Variants in RAPGEF4 observed in about 807,000 individuals in gnomAD.
The protein encoded by RAPGEF4 is Rap guanine nucleotide exchange factor 4, also known as RAP guanine-nucleotide-exchange factor (GEF) 4.
Under a neutral mutation model 147.9 loss-of-function variants are expected in RAPGEF4, and 66 were observed. The ratio of observed to expected loss-of-function variants is 0.45; its 90% CI spans 0.37 to 0.55. RAPGEF4 has a LOEUF of 0.55. Among genes scored for constraint, RAPGEF4 ranks in the 20% least tolerant of loss-of-function variants. The pLI is 0.00. For missense variants in RAPGEF4, 1,071 were observed against 1,257.3 expected, an observed-to-expected ratio of 0.85 and a Z score of 2.24; for synonymous variants, 419 against 442.7, an observed-to-expected ratio of 0.95 and a Z score of 0.67.
intron 17 of RAPGEF4, among the ~76,000 whole-genome samples, chr2:173,003,242 A>G (rs901688208): frequency 6.6e-6 from 1 of 150,546 alleles, no homozygotes; most frequent in Non-Finnish European, 1.5e-5. Flanking sequence ...CGCTCTGGAG[A>G]GAAGGTCCGT....
chr2:172,777,776 C>T (rs1684316255), intron 1 of RAPGEF4, among the ~76,000 whole-genome samples: 1 of 152,090 alleles, frequency 6.6e-6, no homozygotes. Flanking sequence ...AATATCAAGG[C>T]GATTGTGTAG....
At chr2:172,992,154 C>T (rs1443498857) in intron 15 of RAPGEF4, among the ~76,000 whole-genome samples, 1 of 152,152 alleles carries the variant, frequency 6.6e-6, no homozygotes, top group Non-Finnish European at 1.5e-5. Flanking sequence ...GTAAATATTG[C>T]AAACCACTCC....
At chr2:172,973,720 G>C (rs1226338163) in intron 10 of RAPGEF4, among the ~76,000 whole-genome samples, 1 of 152,206 alleles carries the variant, frequency 6.6e-6, no homozygotes, top group Non-Finnish European at 1.5e-5. Flanking sequence ...GATCAGATTT[G>C]TAGTAGGTTG....
At chr2:173,020,803 C>T in intron 23 of RAPGEF4, 88 bp downstream of exon 23, 1 of 990,136 alleles carries the variant, frequency 1.0e-6, no homozygotes, top group Non-Finnish European at 1.5e-6. Flanking sequence ...AACCCAGTGG[C>T]TAAAAAATCT....
intron 1 of RAPGEF4, among the ~76,000 whole-genome samples, chr2:172,756,154 T>C (rs1315689408): frequency 6.6e-6 from 1 of 152,228 alleles, no homozygotes; most frequent in Non-Finnish European, 1.5e-5. Context: ...TGATTAAGGT[T>C]CAAATATTGT....
intron 4 of RAPGEF4, among the ~76,000 whole-genome samples, chr2:172,839,887 A>C (rs1691392527): frequency 6.6e-6 from 1 of 152,218 alleles, no homozygotes; most frequent in African/African-American, 2.4e-5. Flanking sequence ...GTACTAATTC[A>C]AGAGGTAAGT....
At chr2:173,012,168 C>G (rs917247975) in intron 17 of RAPGEF4, among the ~76,000 whole-genome samples, 3 of 152,204 alleles carry the variant, frequency 2.0e-5, no homozygotes, top group African/African-American at 7.2e-5. Context: ...TTCACAGGCA[C>G]TATCACTTAG....
chr2:172,996,906 A>T (rs556011754), intron 16 of RAPGEF4, among the ~76,000 whole-genome samples: 1 of 152,358 alleles, frequency 6.6e-6, no homozygotes, highest in African/African-American at 2.4e-5. Context: ...AGCTGCCTAC[A>T]TAAAAGGTAC....
At chr2:172,886,797 G>C (rs1399220826) in intron 4 of RAPGEF4, among the ~76,000 whole-genome samples, 4 of 151,862 alleles carry the variant, frequency 2.6e-5, no homozygotes, top group Non-Finnish European at 5.9e-5. Flanking sequence ...GACCAAGTGG[G>C]ACATGATGCC....
chr2:172,977,903 A>G (rs1052998729), intron 10 of RAPGEF4, among the ~76,000 whole-genome samples: 5 of 152,242 alleles, frequency 3.3e-5, no homozygotes, highest in Admixed American at 6.5e-5. Context: ...TGGATTGCCA[A>G]ATGATAGTTG....
intron 4 of RAPGEF4, chr2:172,889,777 T>C (rs1697691845): frequency 3.2e-6 from 3 of 948,710 alleles, no homozygotes; most frequent in African/African-American, 1.8e-5. Context: ...AAAATATAGA[T>C]AGATATTTTG....
intron 27 of RAPGEF4, among the ~76,000 whole-genome samples, chr2:173,035,496 G>A (rs577510845): frequency 2.7e-5 from 4 of 148,610 alleles, no homozygotes; most frequent in African/African-American, 9.9e-5. Context: ...GGGTGACAGA[G>A]TGAGACTCTG....
intron 1 of RAPGEF4, among the ~76,000 whole-genome samples, chr2:172,763,399 C>T (rs1038003746): frequency 2.6e-5 from 4 of 152,166 alleles, no homozygotes; most frequent in Non-Finnish European, 4.4e-5. Flanking sequence ...ACCTGGAACA[C>T]GGACACTGAA....
intron 4 of RAPGEF4, among the ~76,000 whole-genome samples, chr2:172,869,136 G>A (rs183479962): frequency 2.0e-5 from 3 of 152,280 alleles, no homozygotes; most frequent in African/African-American, 7.2e-5. Context: ...TCTCCAGAAT[G>A]ATTCATTTCC....
intron 4 of RAPGEF4, among the ~76,000 whole-genome samples, chr2:172,889,430 G>A (rs1697629678): frequency 1.3e-5 from 2 of 152,028 alleles, no homozygotes; most frequent in South Asian, 2.1e-4. Flanking sequence ...ACCAATTTAC[G>A]AACGGTTGCT....
At chr2:172,817,334 A>C (rs1688608443) in intron 4 of RAPGEF4, among the ~76,000 whole-genome samples, 1 of 152,216 alleles carries the variant, frequency 6.6e-6, no homozygotes, top group Admixed American at 6.5e-5. Flanking sequence ...TGATCTATAC[A>C]TGGCATATAT....
intron 4 of RAPGEF4, among the ~76,000 whole-genome samples, chr2:172,902,532 A>G (rs1456240453): frequency 6.6e-6 from 1 of 152,042 alleles, no homozygotes; most frequent in Non-Finnish European, 1.5e-5. Context: ...CGATGCCTGG[A>G]TCTTTAAGCT....
chr2:172,873,771 T>G (rs775304696), intron 4 of RAPGEF4, among the ~76,000 whole-genome samples: 6 of 152,112 alleles, frequency 3.9e-5, no homozygotes, highest in Admixed American at 1.3e-4. Flanking sequence ...ACCTAAGGAA[T>G]AGGAGAACAT....
chr2:172,943,343 G>A (rs905941459), intron 6 of RAPGEF4, among the ~76,000 whole-genome samples: 1 of 152,130 alleles, frequency 6.6e-6, no homozygotes, highest in African/African-American at 2.4e-5. Flanking sequence ...GGGAAGGTAA[G>A]CAAGGACTCT....
Sources: allele counts gnomAD v4.1 joint callset (sites outside exome capture counted in the v4.1 genomes callset), GRCh38; gene constraint gnomAD v4.1.1; transcripts MANE v1.5; gene names NCBI Gene and HGNC (gene_info 2026-07-23, HGNC 2026-07-21).